RBM25: variants seen among roughly 807,000 people sequenced by gnomAD.
RBM25 encodes RNA binding motif protein 25.
RBM25 carries 19 observed loss-of-function variants against 120.7 expected under a neutral mutation model. The ratio of observed to expected loss-of-function variants is 0.16; its 90% CI spans 0.11 to 0.23. The LOEUF is 0.23. RBM25 is among the 10% of genes least tolerant of loss of function. The probability of loss-of-function intolerance (pLI) is 1.00; values close to 1 mark genes in which losing one functional copy is unlikely to be tolerated. For missense variants in RBM25, 605 were observed against 1,041.5 expected (o/e 0.58, Z 5.77); for synonymous variants, 390 against 326.7 (o/e 1.19, Z -2.09).
intron 8 of RBM25, 74 bp from the exon 9 acceptor site, chr14:73,099,593 T>C: frequency 6.3e-7 from 1 of 1,585,880 alleles, no homozygotes; most frequent in Admixed American, 2.0e-5. Flanking sequence ...CTATACAGAA[T>C]ATCTAACCTT....
intron 10 of RBM25, among the ~76,000 whole-genome samples, 156 bp from the exon 11 acceptor site, chr14:73,105,703 A>C (rs1275427587): frequency 6.6e-6 from 1 of 152,186 alleles, no homozygotes; most frequent in East Asian, 1.9e-4. Flanking sequence ...CTTTCTGATG[A>C]GTGTAGAGGA....
chr14:73,084,288 C>T (rs1895633857), intron 5 of RBM25, among the ~76,000 whole-genome samples: 1 of 152,076 alleles, frequency 6.6e-6, no homozygotes. Flanking sequence ...TTTAAGTCTC[C>T]TAATTTTTTT....
At chr14:73,103,948 T>TCTCACACA (rs1594928335) in intron 10 of RBM25, among the ~76,000 whole-genome samples, 10 of 91,342 alleles carry the variant, frequency 1.1e-4, no homozygotes, top group Non-Finnish European at 2.2e-4. Context: ...TCTCTCTCTC[T>TCTCACACA]CACACACACA....
intron 2 of RBM25, among the ~76,000 whole-genome samples, chr14:73,075,559 T>G (rs567971394): frequency 6.6e-5 from 10 of 152,316 alleles, no homozygotes; most frequent in African/African-American, 2.4e-4. Flanking sequence ...GTCAAAAGAT[T>G]TGTTTTTACT....
intron 9 of RBM25, chr14:73,101,230 A>G (rs1896049376): frequency 6.6e-6 from 1 of 151,836 alleles, no homozygotes; most frequent in South Asian, 2.1e-4. Context: ...GTTGTTTGAA[A>G]CTCCAGTAAC....
chr14:73,117,984 C>G (rs185075254), intron 18 of RBM25, among the ~76,000 whole-genome samples: 1 of 152,242 alleles, frequency 6.6e-6, no homozygotes, highest in East Asian at 1.9e-4. Context: ...GACACAAGGA[C>G]CCTATAACTC....
chr14:73,060,286 C>T (rs915617379), intron 1 of RBM25, among the ~76,000 whole-genome samples: 1 of 151,466 alleles, frequency 6.6e-6, no homozygotes, highest in African/African-American at 2.4e-5. Flanking sequence ...ATCCGCCCGC[C>T]TAGGCCCCAA....
chr14:73,119,217 A>G (rs532623190), intron 18 of RBM25, among the ~76,000 whole-genome samples: 30 of 152,360 alleles, frequency 2.0e-4, no homozygotes, highest in Admixed American at 9.8e-4. Flanking sequence ...CAACTATGTA[A>G]TAACAATACA....
chr14:73,062,449 A>C (rs1895025791), intron 1 of RBM25, among the ~76,000 whole-genome samples: 1 of 151,440 alleles, frequency 6.6e-6, no homozygotes, highest in Admixed American at 6.6e-5. Flanking sequence ...CACGTAGTGT[A>C]CTGATGGAGC....
At chr14:73,062,570 ATTC>A (rs1432052754) in intron 1 of RBM25, among the ~76,000 whole-genome samples, 1 of 151,536 alleles carries the variant, frequency 6.6e-6, no homozygotes, top group African/African-American at 2.4e-5. Flanking sequence ...TACTTGCAGT[ATTC>A]TTAAGAGTGC....
rs1302140016 is a variant in RBM25 at position 73,062,304 on chromosome 14, A to G, written c.-16+3599A>G. Among the ~76,000 whole-genome samples, 2 of 151,240 alleles carry G rather than the reference A, an allele frequency of 1.3e-5. 1 individual carries two copies. Among genetic ancestry groups the G allele is most frequent in the Non-Finnish European group, 3.0e-5 (2 of 67,552 alleles). ...CATTTCCCATTCTTCTTTGGGCATA[A>G]AACACTTTTTTTTTTCTAGGAATAA... On this transcript the variant is annotated intron_variant, in intron 1 of 18. Transcript: ENST00000261973.
chr14:73,077,355 T>C lies in RBM25; in HGVS notation c.157-14T>C, dbSNP rs1041277595. Reference sequence around the variant, plus strand: ...AATTGCTGGATCAATTTTTATTTTGTTTCTTCACCTTAGGTCTTAGTACCC... The same window carrying C: ...AATTGCTGGATCAATTTTTATTTTGCTTCTTCACCTTAGGTCTTAGTACCC... On this transcript the variant is annotated splice_polypyrimidine_tract_variant and intron_variant, in intron 3 of 18. Coordinates refer to ENST00000261973, the MANE Select transcript of RBM25 (RefSeq NM_021239.3). 1.9e-6 allele frequency: 3 copies of C among 1,575,660 alleles called. No homozygotes were observed. The Admixed American group carries it at 6.0e-5, about 32-fold the overall frequency.
rs774814572 is a variant in RBM25, at chr14:73,112,119, T to A, written c.2293-33T>A. 8 of 1,539,480 alleles carry A rather than the reference T, an allele frequency of 5.2e-6. No homozygotes were observed. In the African/African-American group the frequency reaches 1.1e-4, roughly 21 times the overall value. ...AATAACTGTTATAGCAAGTTACAAT[T>A]CTTTAATTCAGTAACCGTGGTTTGT... is the stretch of plus-strand genomic sequence containing the variant. On this transcript the variant is annotated intron_variant, in intron 16 of 18. Transcript: ENST00000261973.
At chr14:73,069,661 A>G (rs1019140451) in intron 1 of RBM25, among the ~76,000 whole-genome samples, 2 of 146,766 alleles carry the variant, frequency 1.4e-5, no homozygotes, top group African/African-American at 2.5e-5. Flanking sequence ...CTGAACTCCC[A>G]ACCTCAGGTC....
At chr14:73,087,404 T>C (rs1017555180) in intron 5 of RBM25, among the ~76,000 whole-genome samples, 3 of 151,486 alleles carry the variant, frequency 2.0e-5, no homozygotes, top group Non-Finnish European at 4.4e-5. Context: ...TTCTTTTTTT[T>C]TTTTTTTTTG....
At chr14:73,108,110 C>T (rs954688677) in intron 13 of RBM25, among the ~76,000 whole-genome samples, 5 of 152,198 alleles carry the variant, frequency 3.3e-5, no homozygotes, top group African/African-American at 1.2e-4. Flanking sequence ...ATCTTTTGTG[C>T]AGTGGGGGAG....
intron 18 of RBM25, among the ~76,000 whole-genome samples, chr14:73,114,763 G>A (rs971473534): frequency 2.6e-5 from 4 of 152,206 alleles, no homozygotes; most frequent in Middle Eastern, 3.4e-3. Flanking sequence ...GCGTGGTGGC[G>A]TGTGCCTATA....
chr14:73,091,834 C>T (rs968525333), intron 6 of RBM25, among the ~76,000 whole-genome samples: 10 of 151,846 alleles, frequency 6.6e-5, no homozygotes, highest in South Asian at 2.1e-4. Flanking sequence ...GCTGAGATTG[C>T]GCCACTGCAG....
intron 18 of RBM25, among the ~76,000 whole-genome samples, chr14:73,118,085 C>T (rs1896472420): frequency 6.6e-6 from 1 of 152,184 alleles, no homozygotes; most frequent in Admixed American, 6.5e-5. Context: ...ATTGTATTTG[C>T]TTATTGTGTT....
Sources: gnomAD v4.1 joint callset for allele counts (sites outside exome capture counted in the v4.1 genomes callset) on GRCh38, gnomAD v4.1.1 for gene constraint, MANE v1.5 for transcripts, NCBI Gene and HGNC (gene_info 2026-07-23, HGNC 2026-07-21) for gene names.